The following FAM186A variants were observed in gnomAD, a reference collection of about 807,000 sequenced individuals.
FAM186A encodes the protein protein FAM186A.
Under a neutral mutation model 216.8 loss-of-function variants are expected in FAM186A, and 163 were observed. That is an observed-to-expected ratio of 0.75 (90% CI 0.66 to 0.86). The LOEUF is 0.86. Among genes scored for constraint, FAM186A ranks in the 40% least tolerant of loss-of-function variants. The pLI, the probability that FAM186A is intolerant of heterozygous loss-of-function variation, is 0.00. For missense variants in FAM186A, 2,184 were observed against 2,746.2 expected (o/e 0.80, Z 4.58); for synonymous variants, 805 against 1,025.3 (o/e 0.79, Z 4.10).
At position 50,351,433 on chromosome 12, in the gene FAM186A, T is replaced by C; in HGVS notation, c.5399A>G (p.Gln1800Arg). Residue 1800 changes from glutamine (Q) to arginine (R), a missense_variant, in exon 4 of 8, where the codon CAG becomes CGG. This residue lies in a region of FAM186A where 721 missense variants were observed against 816.4 expected (regional missense o/e 0.88). Transcript: ENST00000327337. ...GGATTGACCTCCGTATACCAGGGTC[T>C]GTCCAGAGGAACGAAGAGTCTGTGG... Reference protein sequence around the residue: ...GAPQTLRSSGQTLVYGGQSTS... With the variant: ...GAPQTLRSSGRTLVYGGQSTS... 3 of 1,467,502 alleles carry C rather than the reference T, an allele frequency of 2.0e-6. No homozygotes were observed. The highest frequency in any genetic ancestry group is 2.7e-6 in the Non-Finnish European group (3 of 1,110,458). 90.9% of individuals were successfully genotyped at this position (1,467,502 alleles called of 1,614,324 possible). A position where few individuals can be genotyped will look rare whatever the true frequency, so the allele number is the denominator to read the frequency against.
Position 50,350,518 on chromosome 12 carries a change from T to C in FAM186A, c.6314A>G (p.Tyr2105Cys), listed in dbSNP as rs1242238292. The change falls in exon 4 of 8, where the codon TAT (tyrosine) becomes TGT (cysteine). Residue 2105 changes from tyrosine to cysteine, a missense_variant. Coordinates refer to ENST00000327337, the MANE Select transcript of FAM186A (RefSeq NM_001145475.3). ...SSPQELEEKR[Y>C]FVDVEAQKKN... ...CTTCTGAGCCTCCACATCAACAAAA[T>C]ACCTCTTTTCTTCAAGTTCTTGAGG... 2 of 1,551,510 alleles carry C rather than the reference T, an allele frequency of 1.3e-6. No individual in the cohort carries two copies. Among genetic ancestry groups the C allele is most frequent in the East Asian group, 2.4e-5 (1 of 40,924 alleles).
chr12:50,382,204 C>T (rs1943259294), intron 1 of FAM186A, among the ~76,000 whole-genome samples: 1 of 150,112 alleles, frequency 6.7e-6, no homozygotes, highest in Non-Finnish European at 1.5e-5. Context: ...ACATATCACA[C>T]CACTGCACTC....
intron 2 of FAM186A, among the ~76,000 whole-genome samples, chr12:50,362,743 CAAAAAAAAAA>C (rs10654604): frequency 1.2e-5 from 1 of 85,920 alleles, no homozygotes; most frequent in Non-Finnish European, 2.2e-5. Flanking sequence ...GAACCTGTCT[CAAAAAAAAAA>C]AAAAAAAAAA....
At chr12:50,346,419 A>T (rs1160341093) in intron 4 of FAM186A, among the ~76,000 whole-genome samples, 1 of 151,928 alleles carries the variant, frequency 6.6e-6, no homozygotes, top group East Asian at 1.9e-4. Flanking sequence ...TTTATTAGAG[A>T]CAGGGTTTCA....
chr12:50,335,168 G>C (rs186247272), intron 4 of FAM186A, among the ~76,000 whole-genome samples: 9 of 152,120 alleles, frequency 5.9e-5, no homozygotes, highest in Non-Finnish European at 1.2e-4. Context: ...GAGGTGAGAG[G>C]CTTGCTTGAG....
Position 50,349,238 on chromosome 12 carries a change from G to A in FAM186A, c.6503+1091C>T, listed in dbSNP as rs539703713. On this transcript the variant is annotated intron_variant, in intron 4 of 7. Coordinates refer to ENST00000327337, the MANE Select transcript of FAM186A (RefSeq NM_001145475.3). The stretch of plus-strand genomic sequence containing the variant: ...CTCTTTTTTTTTTCCCTGAGACTGG[G>A]TCTTGCTCTGTCACCCAGGCTGGAG... 3.1e-4 allele frequency among the ~76,000 whole-genome samples: 47 copies of A among 149,322 alleles called. No homozygotes were observed. In the South Asian group the frequency reaches 3.4e-3, roughly 11 times the overall value.
At chr12:50,393,148 G>A (rs145191726) in intron 1 of FAM186A, among the ~76,000 whole-genome samples, 105 of 151,534 alleles carry the variant, frequency 6.9e-4, no homozygotes, top group Middle Eastern at 3.4e-3. Flanking sequence ...GAATGGTCTC[G>A]ATCTCCCGAC....
intron 1 of FAM186A, among the ~76,000 whole-genome samples, chr12:50,374,552 G>A (rs958193097): frequency 3.9e-5 from 6 of 152,000 alleles, no homozygotes; most frequent in African/African-American, 9.7e-5. Flanking sequence ...ACCATTTATC[G>A]CCTCGGTATA....
intron 1 of FAM186A, among the ~76,000 whole-genome samples, chr12:50,382,591 GCA>G (rs1565895985): frequency 4.0e-5 from 6 of 151,450 alleles, no homozygotes; most frequent in African/African-American, 2.4e-5. Flanking sequence ...TCCCAGCTAC[GCA>G]GGAGGCTGAG....
At chr12:50,356,297 T>C in intron 3 of FAM186A, 49 bp from the exon 4 acceptor site, 2 of 1,416,254 alleles carry the variant, frequency 1.4e-6, no homozygotes, top group Non-Finnish European at 1.9e-6. Flanking sequence ...TTCTTTTGCA[T>C]TGTGTTCTAT....
rs887899685 is a variant in FAM186A, at chr12:50,351,948, G to A, written c.4884C>T (p.Thr1628=). Reference sequence around the variant, plus strand: ...TCCCCTGAGCCTGCGCCTGCTGAGGGGTGAGAGAGATCCCCAGAGCCTGGG... The same window carrying A: ...TCCCCTGAGCCTGCGCCTGCTGAGGAGTGAGAGAGATCCCCAGAGCCTGGG... The part of the protein sequence containing the change: ...QQAQALGISL[T]PQQAQAQGIT... Residue 1628 remains threonine (T), a synonymous_variant, in exon 4 of 8, where the codon ACC becomes ACT. Transcript: ENST00000327337. 6.5e-7 allele frequency: 1 copy of A among 1,533,718 alleles called. No homozygotes were observed. The highest frequency in any genetic ancestry group is 1.2e-5 in the South Asian group (1 of 82,438).
At chr12:50,356,586 C>T (rs1942979611) in intron 3 of FAM186A, among the ~76,000 whole-genome samples, 1 of 152,184 alleles carries the variant, frequency 6.6e-6, no homozygotes, top group African/African-American at 2.4e-5. Flanking sequence ...GCTGGTGTTA[C>T]AGGTGCAAGC....
chr12:50,381,029 G>A (rs1565895608), intron 1 of FAM186A, among the ~76,000 whole-genome samples: 1 of 152,222 alleles, frequency 6.6e-6, no homozygotes, highest in East Asian at 1.9e-4. Flanking sequence ...CAGGCATACT[G>A]CAAGCAGCTT....
At chr12:50,356,310 A>G (rs1942977169) in intron 3 of FAM186A, 62 bp from the exon 4 acceptor site, 2 of 1,341,910 alleles carry the variant, frequency 1.5e-6, no homozygotes, top group Non-Finnish European at 2.0e-6. Flanking sequence ...TGTTCTATCT[A>G]TGTTTAAATC....
At chr12:50,377,758 G>A (rs769274659) in intron 1 of FAM186A, among the ~76,000 whole-genome samples, 1 of 151,586 alleles carries the variant, frequency 6.6e-6, no homozygotes, top group African/African-American at 2.4e-5. Flanking sequence ...GCTTGAACCC[G>A]GTGGGGGCAG....
chr12:50,373,134 C>T (rs1943166127), intron 1 of FAM186A, among the ~76,000 whole-genome samples: 1 of 151,932 alleles, frequency 6.6e-6, no homozygotes, highest in Non-Finnish European at 1.5e-5. Flanking sequence ...AACGGTGGCT[C>T]ACACCTGTAA....
chr12:50,367,247 G>A (rs539289778), intron 1 of FAM186A, among the ~76,000 whole-genome samples: 9 of 151,706 alleles, frequency 5.9e-5, no homozygotes, highest in Non-Finnish European at 1.2e-4. Flanking sequence ...GGCCAGACAC[G>A]GTGCCTCACG....
intron 4 of FAM186A, among the ~76,000 whole-genome samples, chr12:50,336,422 C>A (rs929006460): frequency 1.3e-5 from 2 of 152,120 alleles, no homozygotes; most frequent in African/African-American, 2.4e-5. Context: ...TCTCAAGGTG[C>A]GGACTCTGAT....
chr12:50,370,930 T>G (rs571163624), intron 1 of FAM186A, among the ~76,000 whole-genome samples: 2 of 151,542 alleles, frequency 1.3e-5, no homozygotes, highest in East Asian at 3.9e-4. Context: ...AACCTCACGT[T>G]GCACTAAAAA....
Sources: allele counts gnomAD v4.1 joint callset (sites outside exome capture counted in the v4.1 genomes callset), GRCh38; gene constraint gnomAD v4.1.1; regional missense constraint gnomAD v4.1.1; transcripts MANE v1.5; gene names NCBI Gene and HGNC (gene_info 2026-07-23, HGNC 2026-07-21).